TSC2: variants seen among roughly 807,000 people sequenced by gnomAD.
TSC2 encodes the protein TSC complex subunit 2.
TSC2 carries 29 observed loss-of-function variants against 202.2 expected under a neutral mutation model. The observed-to-expected ratio is 0.14, with a 90% CI of 0.11 to 0.20. TSC2 has a LOEUF of 0.20. Among genes scored for constraint, TSC2 ranks in the 10% least tolerant of loss-of-function variants. TSC2 has a pLI of 1.00. For missense variants in TSC2, 2,429 were observed against 2,420.0 expected (o/e 1.00, Z -0.08); for synonymous variants, 1,349 against 1,044.0 (o/e 1.29, Z -5.63).
At chr16:2,053,551 C>G (rs753008372) in intron 4 of TSC2, 99 bp downstream of exon 4, 1 of 1,236,600 alleles carries the variant, frequency 8.1e-7, no homozygotes, top group South Asian at 1.3e-5. Flanking sequence ...CGGTGAGTTG[C>G]TGGGCACAGG....
chr16:2,084,747 A>T, intron 34 of TSC2, 32 bp downstream of exon 34: 1 of 1,598,348 alleles, frequency 6.3e-7, no homozygotes, highest in Non-Finnish European at 8.5e-7. Context: ...GGGGCTCCTG[A>T]CACCTCTCCT....
intron 1 of TSC2, 184 bp downstream of exon 1, chr16:2,048,249 C>T: frequency 1.5e-6 from 2 of 1,340,734 alleles, no homozygotes; most frequent in Non-Finnish European, 1.0e-6. Flanking sequence ...GCAGGCGGCT[C>T]CGTGACAGCT....
At position 2,063,012 on chromosome 16, in the gene TSC2, G is replaced by A. The variant is rs1158055650; in HGVS notation, c.1402G>A (p.Val468Met). The A allele has an allele frequency of 1.3e-6, 2 of 1,551,470 alleles. No individual in the cohort carries two copies. Among genetic ancestry groups the A allele is most frequent in the Non-Finnish European group, 1.7e-6 (2 of 1,146,920 alleles). ...CGCCGTGCGCATCAAGGTGCTGGAC[G>A]TGCTGTCCTTTGTGCTGCTCATCAA... is the stretch of plus-strand genomic sequence containing the variant. ...RGAVRIKVLDVLSFVLLINRQ... is the reference protein window; with the variant it reads ...RGAVRIKVLDMLSFVLLINRQ... The change falls in exon 14 of 42, where the codon GTG becomes ATG. Residue 468 changes from valine to methionine, a missense_variant. Transcript: ENST00000219476.
chr16:2,070,449 T>C lies in TSC2; in HGVS notation c.1717-7T>C. ...GCGCCGTGGTGAGCTGCGTCCTCTC[T>C]CTGCAGACCAAGCTGTACACCCTGC... is the stretch of plus-strand genomic sequence containing the variant. On this transcript the variant is annotated splice_polypyrimidine_tract_variant and splice_region_variant and intron_variant, in intron 16 of 41. Transcript: ENST00000219476. The C allele has an allele frequency of 6.2e-7, 1 of 1,613,346 alleles. No homozygotes were observed. Among genetic ancestry groups the C allele is most frequent in the South Asian group, 1.1e-5 (1 of 91,088 alleles).
In TSC2 at chr16:2,078,930, G is replaced by A. The variant is rs751200701; in HGVS notation, c.2967-102G>A. ...ACGCCCTGTTGGGGTCTTTCCGAGC[G>A]AGGTCCTCAGCCGTGCATGCGTTGA... is the stretch of plus-strand genomic sequence containing the variant. On this transcript the variant is annotated intron_variant, in intron 26 of 41. Transcript: ENST00000219476. 32 of 1,515,414 alleles carry A rather than the reference G, an allele frequency of 2.1e-5. No individual in the cohort carries two copies. The East Asian group carries it at 2.9e-4, about 14-fold the overall frequency. The allele number at this position is 1,515,414 out of a possible 1,614,324, so 93.9% of individuals were successfully genotyped here.
chr16:2,073,524 ACT>A (rs1314735692), intron 21 of TSC2, among the ~76,000 whole-genome samples: 1 of 152,182 alleles, frequency 6.6e-6, no homozygotes, highest in African/African-American at 2.4e-5. Context: ...GGAGATGCTG[ACT>A]CTGAGGCTTG....
At chr16:2,065,497 AG>A (rs2087218185) in intron 15 of TSC2, 21 bp from the exon 16 acceptor site, 1 of 1,601,246 alleles carries the variant, frequency 6.2e-7, no homozygotes, top group Non-Finnish European at 8.6e-7. Context: ...CCTGTGTGTA[AG>A]TCCTGGCCTT....
Position 2,079,576 on chromosome 16 carries a change from G to A in TSC2, c.3304G>A (p.Val1102Met), listed in dbSNP as rs775584262. The A allele has an allele frequency of 1.9e-6, 3 of 1,611,508 alleles. No homozygotes were observed. The highest frequency in any genetic ancestry group is 2.5e-6 in the Non-Finnish European group (3 of 1,179,480). ...TCTCAGCTCCAGCCCCGGGGTGCATGTGAGACAGACCAAGGAGGCGCCGGC... is the reference window on the plus strand; with the variant it reads ...TCTCAGCTCCAGCCCCGGGGTGCATATGAGACAGACCAAGGAGGCGCCGGC... ...PESSSSPGVH[V>M]RQTKEAPAKL... Residue 1102 changes from valine to methionine, a missense_variant, in exon 29 of 42, where the codon GTG becomes ATG. Val to Met is a conservative substitution (Grantham distance 21, BLOSUM62 1). Coordinates refer to ENST00000219476, the MANE Select transcript of TSC2 (RefSeq NM_000548.5). The surrounding 1 kb of genome is among the most constrained non-coding windows in gnomAD (Gnocchi z 4.6).
chr16:2,089,435 A>C lies in TSC2; in HGVS notation c.*825A>C. On this transcript the variant is annotated 3_prime_UTR_variant, in exon 42 of 42. Coordinates refer to ENST00000219476, the MANE Select transcript of TSC2 (RefSeq NM_000548.5). ...ATCTGCCCAGGGGGTGGGGCCGGGCACAGCCCGCTGTACCTGAGGACTCGG... is the reference window on the plus strand; with the variant it reads ...ATCTGCCCAGGGGGTGGGGCCGGGCCCAGCCCGCTGTACCTGAGGACTCGG... 1 of 488,472 alleles carries C rather than the reference A, an allele frequency of 2.0e-6. No individual in the cohort carries two copies. Among genetic ancestry groups the C allele is most frequent in the Non-Finnish European group, 3.7e-6 (1 of 269,366 alleles). 30.3% of individuals were successfully genotyped at this position (488,472 alleles called of 1,614,324 possible). A position where few individuals can be genotyped will look rare whatever the true frequency, so the allele number is the denominator to read the frequency against.
chr16:2,080,694 CAGGA>C, intron 30 of TSC2: 1 of 355,382 alleles, frequency 2.8e-6, no homozygotes, highest in South Asian at 2.6e-5. Flanking sequence ...CTGTGTTAGC[CAGGA>C]TGGTCTCAAT....
chr16:2,070,672 C>T (rs1474977666), intron 17 of TSC2, 94 bp downstream of exon 17: 15 of 1,584,042 alleles, frequency 9.5e-6, no homozygotes, highest in Non-Finnish European at 1.2e-5. Flanking sequence ...CAGAGACGGC[C>T]CCAGGATGGG....
intron 20 of TSC2, 147 bp downstream of exon 20, chr16:2,072,510 G>A (rs1166186682): frequency 3.7e-6 from 5 of 1,337,366 alleles, no homozygotes; most frequent in Non-Finnish European, 4.1e-6. Context: ...CGCAGATTGT[G>A]CCTTGGGCAG....
In TSC2 at chr16:2,071,941, G is replaced by A. The variant is rs1280828990; in HGVS notation, c.2097+7G>A. 1.3e-6 allele frequency: 2 copies of A among 1,569,274 alleles called. No homozygotes were observed. Among genetic ancestry groups the A allele is most frequent in the African/African-American group, 1.3e-5 (1 of 74,094 alleles). On this transcript the variant is annotated splice_region_variant and intron_variant, in intron 19 of 41. Transcript: ENST00000219476. ...GCTGCAGTGCTTGAAGCAGGTGAGT[G>A]GGGCCGGGCAGGGACCATCCGTCCC...
At position 2,058,845 on chromosome 16, in the gene TSC2, C is replaced by T. The variant is rs751490043; in HGVS notation, c.947C>T (p.Pro316Leu). 3.7e-6 allele frequency: 6 copies of T among 1,607,402 alleles called. No individual in the cohort carries two copies. Among genetic ancestry groups the T allele is most frequent in the African/African-American group, 1.3e-5 (1 of 74,888 alleles). Residue 316 changes from proline to leucine, a missense_variant, in exon 10 of 42, where the codon CCG becomes CTG. Pro to Leu is a moderately conservative substitution (Grantham distance 98). Coordinates refer to ENST00000219476, the MANE Select transcript of TSC2 (RefSeq NM_000548.5). ...CGGCTCTATTCTCTCAGGAACTCGC[C>T]GACATCTGTGTTGCCATCATTTTAC... ...AHRLYSLRNS[P>L]TSVLPSFYQA...
intron 31 of TSC2, chr16:2,082,213 ATGGC>A: frequency 1.6e-6 from 1 of 610,616 alleles, no homozygotes; most frequent in Non-Finnish European, 2.9e-6. Flanking sequence ...GTGGCTGCAG[ATGGC>A]ACTTAGCGGC....
rs1174276562 is a variant in TSC2, at chr16:2,062,956, G to T, written c.1362-16G>T. The T allele has an allele frequency of 6.5e-7, 1 of 1,548,948 alleles. No individual in the cohort carries two copies. Among genetic ancestry groups the T allele is most frequent in the Admixed American group, 2.0e-5 (1 of 51,004 alleles). On this transcript the variant is annotated splice_polypyrimidine_tract_variant and intron_variant, in intron 13 of 41. Transcript: ENST00000219476. ...CGGGCACTCCCCACCCGCCCCAGCA[G>T]GCTGCCGTCCCGCAGGAGCGAGTCC... is the stretch of plus-strand genomic sequence containing the variant.
In TSC2 at chr16:2,086,736, C is replaced by T. The variant is rs45517378; in HGVS notation, c.4854C>T (p.Val1618=). The T allele has an allele frequency of 3.1e-6, 5 of 1,610,234 alleles. No individual in the cohort carries two copies. Among genetic ancestry groups the T allele is most frequent in the Admixed American group, 3.3e-5 (2 of 60,008 alleles). Reference sequence around the variant, plus strand: ...TCCGGCCCTGCTCACCCTCAGCCGTCTTCCACATCGCCACCCTGATGCCCA... The same window carrying T: ...TCCGGCCCTGCTCACCCTCAGCCGTTTTCCACATCGCCACCCTGATGCCCA... ...YCWHDDIMQA[V]FHIATLMPTK... The change falls in exon 38 of 42, where the codon GTC becomes GTT. Residue 1618 remains valine, a synonymous_variant. Transcript: ENST00000219476.
chr16:2,067,115 G>A (rs750960833), intron 16 of TSC2, among the ~76,000 whole-genome samples: 23 of 151,686 alleles, frequency 1.5e-4, no homozygotes, highest in Non-Finnish European at 2.8e-4. Context: ...TATGTCATGG[G>A]TTTTTATTTC....
Position 2,056,200 on chromosome 16 carries a change from A to T in TSC2, c.604A>T (p.Ile202Phe). 6.2e-7 allele frequency: 1 copy of T among 1,613,884 alleles called. No homozygotes were observed. The highest frequency in any genetic ancestry group is 8.5e-7 in the Non-Finnish European group (1 of 1,180,008). Residue 202 changes from isoleucine (I) to phenylalanine (F), a missense_variant, in exon 7 of 42, where the codon ATC becomes TTC. Coordinates refer to ENST00000219476, the MANE Select transcript of TSC2 (RefSeq NM_000548.5). ...DEYIARMVQM[I>F]CLLCVRTASS... ...TGAGCTCGGTGCTCCCTGCAGGATGATCTGTCTGCTGTGCGTCCGGACCGC... is the reference window on the plus strand; with the variant it reads ...TGAGCTCGGTGCTCCCTGCAGGATGTTCTGTCTGCTGTGCGTCCGGACCGC...
Sources: gnomAD v4.1 joint callset for allele counts (sites outside exome capture counted in the v4.1 genomes callset) on GRCh38, gnomAD v4.1.1 for gene constraint, Gnocchi (gnomAD v3.1) non-coding constraint, MANE v1.5 for transcripts, NCBI Gene and HGNC (gene_info 2026-07-23, HGNC 2026-07-21) for gene names.